Variants in OSBPL11 observed in about 807,000 individuals in gnomAD.
OSBPL11 encodes oxysterol binding protein like 11, also known as oxysterol-binding protein-related protein 11.
OSBPL11 carries 33 observed loss-of-function variants against 84.4 expected under a neutral mutation model. The observed-to-expected ratio is 0.39, with a 90% CI of 0.30 to 0.52. OSBPL11 has a LOEUF of 0.52. OSBPL11 is among the 20% of genes least tolerant of loss of function. OSBPL11 has a pLI of 0.72. For missense variants in OSBPL11, 736 were observed against 901.1 expected, an observed-to-expected ratio of 0.82 and a Z score of 2.35; for synonymous variants, 276 against 310.2, an observed-to-expected ratio of 0.89 and a Z score of 1.16.
intron 6 of OSBPL11, among the ~76,000 whole-genome samples, chr3:125,566,263 C>A (rs926198888): frequency 3.9e-5 from 6 of 152,122 alleles, no homozygotes; most frequent in Admixed American, 3.9e-4. Context: ...GCCTCAGCTG[C>A]CCAAAGTGCT....
chr3:125,549,550 T>C (rs1450871640), intron 9 of OSBPL11, among the ~76,000 whole-genome samples: 1 of 152,212 alleles, frequency 6.6e-6, no homozygotes, highest in Non-Finnish European at 1.5e-5. Context: ...GGCACGATCA[T>C]GGCTCACTGC....
chr3:125,544,619 T>C (rs950190727), intron 10 of OSBPL11, among the ~76,000 whole-genome samples: 1 of 152,156 alleles, frequency 6.6e-6, no homozygotes, highest in Non-Finnish European at 1.5e-5. Context: ...TTAAAAAATA[T>C]TTCTAACACA....
rs561522980 is a variant in OSBPL11 at position 125,586,200 on chromosome 3, T to C, written c.165-3222A>G. Among the ~76,000 whole-genome samples the C allele has an allele frequency of 4.6e-5, 7 of 152,350 alleles. No homozygotes were observed. The South Asian group carries it at 1.4e-3, about 32-fold the overall frequency. On this transcript the variant is annotated intron_variant, in intron 1 of 12. Transcript: ENST00000296220. ...CCACATATCTGATTATATTATACTA[T>C]TTTGTGTTCTATAAAATAGAAGTGA...
chr3:125,549,014 A>T (rs915142731), intron 9 of OSBPL11, among the ~76,000 whole-genome samples: 1 of 151,324 alleles, frequency 6.6e-6, no homozygotes, highest in African/African-American at 2.5e-5. Flanking sequence ...ACATACTTGT[A>T]TATATTTTAA....
intron 5 of OSBPL11, among the ~76,000 whole-genome samples, chr3:125,573,028 T>C (rs1936266620): frequency 6.7e-6 from 1 of 149,374 alleles, no homozygotes; most frequent in African/African-American, 2.4e-5. Flanking sequence ...TGTGTGTGTA[T>C]ATATATATAA....
chr3:125,584,796 T>C (rs1936482323), intron 1 of OSBPL11, among the ~76,000 whole-genome samples: 1 of 152,186 alleles, frequency 6.6e-6, no homozygotes, highest in African/African-American at 2.4e-5. Flanking sequence ...TCATCTTTAT[T>C]TAGTCACTAC....
At chr3:125,569,483 G>A (rs928057109) in intron 5 of OSBPL11, among the ~76,000 whole-genome samples, 2 of 152,122 alleles carry the variant, frequency 1.3e-5, no homozygotes. Context: ...TGTGCTTTGT[G>A]TGTGTATAAA....
chr3:125,567,321 G>T, intron 6 of OSBPL11, 73 bp downstream of exon 6: 1 of 1,297,846 alleles, frequency 7.7e-7, no homozygotes, highest in Non-Finnish European at 1.1e-6. Flanking sequence ...TCTGAAATTA[G>T]AATTACAACA....
At chr3:125,571,251 A>G (rs185017830) in intron 5 of OSBPL11, among the ~76,000 whole-genome samples, 1 of 152,364 alleles carries the variant, frequency 6.6e-6, no homozygotes, top group East Asian at 1.9e-4. Flanking sequence ...GAAATTTCTA[A>G]GCAGCAAAGC....
At position 125,529,871 on chromosome 3, in the gene OSBPL11, T is replaced by A. The variant is rs1412272309; in HGVS notation, c.*644A>T. On this transcript the variant is annotated 3_prime_UTR_variant, in exon 13 of 13. Transcript: ENST00000296220. ...AAATTCTCCATGGTTATAATTCTGATCAATCTATAAATGTACTTTTTAAAA... is the reference window on the plus strand; with the variant it reads ...AAATTCTCCATGGTTATAATTCTGAACAATCTATAAATGTACTTTTTAAAA... 6.5e-6 allele frequency: 1 copy of A among 152,672 alleles called. No individual in the cohort carries two copies. The highest frequency in any genetic ancestry group is 1.5e-5 in the Non-Finnish European group (1 of 68,052). The allele number at this position is 152,672 out of a possible 1,614,324, so 9.5% of individuals were successfully genotyped here.
intron 6 of OSBPL11, among the ~76,000 whole-genome samples, chr3:125,567,043 A>G (rs1005527891): frequency 6.6e-6 from 1 of 152,232 alleles, no homozygotes; most frequent in African/African-American, 2.4e-5. Flanking sequence ...AATAATGCCA[A>G]GGTTTCTACT....
At chr3:125,531,419 G>C (rs917049140) in intron 12 of OSBPL11, among the ~76,000 whole-genome samples, 1 of 151,594 alleles carries the variant, frequency 6.6e-6, no homozygotes, top group African/African-American at 2.4e-5. Flanking sequence ...AGCCTCCCGA[G>C]TAGCTGGGAT....
rs746713947 is a variant in OSBPL11 at position 125,570,892 on chromosome 3, G to A, written c.667-3297C>T. ...TGGACTAATACAGTAAATTGGTACC[G>A]GAAGTGGGGAGCTGCTGAAAAGATA... On this transcript the variant is annotated intron_variant, in intron 5 of 12. Transcript: ENST00000296220. 1.2e-4 allele frequency among the ~76,000 whole-genome samples: 18 copies of A among 152,160 alleles called. 1 individual carries two copies. Among genetic ancestry groups the A allele is most frequent in the South Asian group, 4.1e-4 (2 of 4,832 alleles).
intron 8 of OSBPL11, among the ~76,000 whole-genome samples, chr3:125,558,834 C>T (rs902206657): frequency 2.6e-5 from 4 of 152,128 alleles, no homozygotes; most frequent in East Asian, 1.9e-4. Context: ...ATATATGAAT[C>T]GTCAGGGATC....
rs1580054005 is a variant in OSBPL11 at position 125,567,490 on chromosome 3, T to G, written c.772A>C (p.Lys258Gln). 3.7e-6 allele frequency: 6 copies of G among 1,614,126 alleles called. No homozygotes were observed. The highest frequency in any genetic ancestry group is 5.1e-6 in the Non-Finnish European group (6 of 1,179,974). The stretch of plus-strand genomic sequence containing the variant: ...TTCATAGTTGCCATGGAAGTAGCTT[T>G]GAGCATTAAGAGATCCTGGTCCAAG... ...SSLDQDLLML[K>Q]ATSMATMNCL... Residue 258 changes from lysine to glutamine, a missense_variant, in exon 6 of 13, where the codon AAA (lysine) becomes CAA (glutamine). Transcript: ENST00000296220.
chr3:125,585,135 T>G (rs1936486689), intron 1 of OSBPL11, among the ~76,000 whole-genome samples: 1 of 152,172 alleles, frequency 6.6e-6, no homozygotes, highest in Non-Finnish European at 1.5e-5. Context: ...TATCTCTTTT[T>G]TTTATTTTTA....
chr3:125,552,267 G>A lies in OSBPL11; in HGVS notation c.1568C>T (p.Thr523Ile). The change falls in exon 9 of 13, where the codon ACA (threonine) becomes ATA (isoleucine). Residue 523 changes from threonine to isoleucine, a missense_variant. This residue lies in a region of OSBPL11 where 579 missense variants were observed against 717.6 expected (regional missense o/e 0.81). Transcript: ENST00000296220. ...CGCATTTACACACATCTTCCTCTCT[G>A]TACATTCTGCATAAAATCCTGAGAC... is the stretch of plus-strand genomic sequence containing the variant. Reference protein sequence around the residue: ...PPVSGFYAECTERKMCVNAHV... With the variant: ...PPVSGFYAECIERKMCVNAHV... 1 of 1,613,866 alleles carries A rather than the reference G, an allele frequency of 6.2e-7. No individual in the cohort carries two copies. The highest frequency in any genetic ancestry group is 8.5e-7 in the Non-Finnish European group (1 of 1,179,960).
intron 1 of OSBPL11, among the ~76,000 whole-genome samples, chr3:125,585,744 C>G (rs1936499656): frequency 6.6e-6 from 1 of 152,188 alleles, no homozygotes; most frequent in African/African-American, 2.4e-5. Context: ...CCTCATTCTT[C>G]CCCTTTTCCA....
chr3:125,578,256 A>C (rs916694708), intron 4 of OSBPL11, among the ~76,000 whole-genome samples: 1 of 152,210 alleles, frequency 6.6e-6, no homozygotes, highest in Non-Finnish European at 1.5e-5. Context: ...AAACATGCTA[A>C]ATGAAAGACA....
Sources: gnomAD v4.1 joint callset for allele counts (sites outside exome capture counted in the v4.1 genomes callset) on GRCh38, gnomAD v4.1.1 for gene constraint, gnomAD v4.1.1 regional missense constraint, MANE v1.5 for transcripts, NCBI Gene and HGNC (gene_info 2026-07-23, HGNC 2026-07-21) for gene names.